The following ODAM variants were observed in gnomAD, a reference collection of about 807,000 sequenced individuals.
ODAM encodes the protein odontogenic, ameloblast associated, also known as odontogenic ameloblast-associated protein.
In ODAM, 55 loss-of-function variants were observed where a neutral mutation model predicts 48.5. The ratio of observed to expected loss-of-function variants is 1.13; its 90% CI spans 0.91 to 1.42. ODAM has a LOEUF of 1.42. Among genes scored for constraint, ODAM ranks in the 40% most tolerant of loss-of-function variants. The pLI, the probability that ODAM is intolerant of heterozygous loss-of-function variation, is 0.00. For missense variants in ODAM, 353 were observed against 323.6 expected, an observed-to-expected ratio of 1.09 and a Z score of -0.70; for synonymous variants, 127 against 107.8, an observed-to-expected ratio of 1.18 and a Z score of -1.10.
chr4:70,200,562 G>T lies in ODAM; in HGVS notation c.489G>T (p.Arg163Ser), dbSNP rs758329689. The change falls in exon 7 of 12, where the codon AGG becomes AGT. Residue 163 changes from arginine to serine, a missense_variant. Coordinates refer to ENST00000683306, the MANE Select transcript of ODAM (RefSeq NM_017855.4). ...PWEQPQQTVPRSPQQTRQQQY... is the reference protein window; with the variant it reads ...PWEQPQQTVPSSPQQTRQQQY... ...AACAACCTCAGCAAACAGTTCCAAG[G>T]TCACCTCAACAAACAAGACAGCAAC... is the stretch of plus-strand genomic sequence containing the variant. 1.3e-5 allele frequency: 21 copies of T among 1,611,278 alleles called. No individual in the cohort carries two copies. Among genetic ancestry groups the T allele is most frequent in the Non-Finnish European group, 1.7e-5 (20 of 1,178,336 alleles).
chr4:70,203,073 CTTGT>C (rs1729542402), intron 10 of ODAM, 79 bp from the exon 11 acceptor site: 1 of 1,372,762 alleles, frequency 7.3e-7, no homozygotes, highest in Admixed American at 1.8e-5. Context: ...GTGGCCAAAA[CTTGT>C]TTTTGATAAT....
chr4:70,196,049 C>G (rs1304777183), intron 1 of ODAM, among the ~76,000 whole-genome samples: 2 of 151,944 alleles, frequency 1.3e-5, no homozygotes, highest in Non-Finnish European at 2.9e-5. Flanking sequence ...GTATATTATT[C>G]TGTTATTAGA....
rs1255270147 is a variant in ODAM, at chr4:70,202,897, C to T, written c.790C>T (p.Pro264Ser). ...FTSAVDQTIT[P>S]ELPEEKDKTD... ...TTCTGCTGTAGACCAAACTATTACC[C>T]CAGAGCTCCCAGAAGAGAAGGTAGA... Residue 264 changes from proline to serine, a missense_variant, in exon 10 of 12, where the codon CCA becomes TCA. Physicochemically the swap from Pro to Ser is moderately conservative, Grantham distance 74. Coordinates refer to ENST00000683306, the MANE Select transcript of ODAM (RefSeq NM_017855.4). The T allele has an allele frequency of 1.2e-6, 2 of 1,610,492 alleles. No homozygotes were observed. Among genetic ancestry groups the T allele is most frequent in the Non-Finnish European group, 1.7e-6 (2 of 1,178,452 alleles).
At chr4:70,201,128 C>G (rs1321727414) in intron 7 of ODAM, among the ~76,000 whole-genome samples, 1 of 151,376 alleles carries the variant, frequency 6.6e-6, no homozygotes, top group East Asian at 1.9e-4. Flanking sequence ...ATGAAAATGT[C>G]TTTTTTTTAG....
In ODAM at chr4:70,197,971, G is replaced by C; in HGVS notation, c.189G>C (p.Gln63His). ...WIPPFSGILQ[Q>H]QQQAQIPGLS... ...CACCTTTCTCTGGAATTTTACAACA[G>C]CAGCAGCAGGCTCAAATTCCAGGAC... The change falls in exon 5 of 12, where the codon CAG becomes CAC. Residue 63 changes from glutamine to histidine, a missense_variant. Physicochemically the swap from Gln to His is conservative, Grantham distance 24. Transcript: ENST00000683306. 5.0e-6 allele frequency: 8 copies of C among 1,612,884 alleles called. No individual in the cohort carries two copies. The highest frequency in any genetic ancestry group is 6.8e-6 in the Non-Finnish European group (8 of 1,179,224).
chr4:70,201,417 A>T, intron 7 of ODAM, 37 bp from the exon 8 acceptor site: 1 of 1,037,628 alleles, frequency 9.6e-7, no homozygotes, highest in Non-Finnish European at 1.5e-6. Context: ...AAGAATAATC[A>T]CAGAAAATAT....
At position 70,198,743 on chromosome 4, in the gene ODAM, C is replaced by G. The variant is rs1157545949; in HGVS notation, c.423+117C>G. 3 of 811,268 alleles carry G rather than the reference C, an allele frequency of 3.7e-6. No individual in the cohort carries two copies. In the African/African-American group the frequency reaches 5.4e-5, roughly 15 times the overall value. 50.3% of individuals were successfully genotyped at this position (811,268 alleles called of 1,614,324 possible). A position where few individuals can be genotyped will look rare whatever the true frequency, so the allele number is the denominator to read the frequency against. ...TATAAAAACCTATATAATGATATCA[C>G]TGTCTAGATAACATCATTGCTGGGC... On this transcript the variant is annotated intron_variant, in intron 6 of 11. Coordinates refer to ENST00000683306, the MANE Select transcript of ODAM (RefSeq NM_017855.4).
At chr4:70,196,655 T>C (rs1332208316) in intron 2 of ODAM, 37 bp from the exon 3 acceptor site, 2 of 1,601,620 alleles carry the variant, frequency 1.2e-6, no homozygotes, top group African/African-American at 2.7e-5. Context: ...TCCCTTCTTT[T>C]TACTATTTCT....
intron 6 of ODAM, 25 bp downstream of exon 6, chr4:70,198,651 CA>C: frequency 6.3e-7 from 1 of 1,581,510 alleles, no homozygotes; most frequent in Non-Finnish European, 8.7e-7. Context: ...CAACACTGCC[CA>C]TAGAGATGGC....
intron 6 of ODAM, 30 bp from the exon 7 acceptor site, chr4:70,200,467 T>C (rs1729470706): frequency 8.3e-7 from 1 of 1,205,480 alleles, no homozygotes; most frequent in African/African-American, 1.5e-5. Flanking sequence ...TTTAATGGAA[T>C]CTCTTGTATC....
Position 70,198,158 on chromosome 4 carries a change from G to A in ODAM, c.375+1G>A, listed in dbSNP as rs753320098. On this transcript the variant is annotated splice_donor_variant, in intron 5 of 11. Coordinates refer to ENST00000683306, the MANE Select transcript of ODAM (RefSeq NM_017855.4). LOFTEE classifies it high-confidence loss of function. ...TCAGACACAACCAGGCCCCAGTCAC[G>A]TAAGTCAGGCCTCTTTCATTTTGTT... is the stretch of plus-strand genomic sequence containing the variant. 44 of 1,611,480 alleles carry A rather than the reference G, an allele frequency of 2.7e-5. No homozygotes were observed. The East Asian group carries it at 6.7e-4, about 25-fold the overall frequency.
At chr4:70,200,381 C>A (rs904334660) in intron 6 of ODAM, 116 bp from the exon 7 acceptor site, 6 of 581,446 alleles carry the variant, frequency 1.0e-5, no homozygotes, top group Non-Finnish European at 1.5e-5. Context: ...TGTATTTAAT[C>A]ATATAAAGCT....
Position 70,204,381 on chromosome 4 carries a change from A to G in ODAM, c.*236A>G, listed in dbSNP as rs1322700235. The G allele has an allele frequency of 6.6e-6, 1 of 152,048 alleles. No individual in the cohort carries two copies. Among genetic ancestry groups the G allele is most frequent in the Non-Finnish European group, 1.5e-5 (1 of 67,972 alleles). 9.4% of individuals were successfully genotyped at this position (152,048 alleles called of 1,614,324 possible). ...GTCTTACAAAATTATATGTCTCTTC[A>G]AATATCCTATCATTGTATAATATGG... is the stretch of plus-strand genomic sequence containing the variant. On this transcript the variant is annotated 3_prime_UTR_variant, in exon 12 of 12. Coordinates refer to ENST00000683306, the MANE Select transcript of ODAM (RefSeq NM_017855.4).
rs1443458874 is a variant in ODAM at position 70,197,811 on chromosome 4, A to G, written c.142-113A>G. 1.3e-5 allele frequency: 10 copies of G among 753,856 alleles called. No homozygotes were observed. The Admixed American group carries it at 2.5e-4, about 19-fold the overall frequency. The allele number at this position is 753,856 out of a possible 1,614,324, so 46.7% of individuals were successfully genotyped here. A position where few individuals can be genotyped will look rare whatever the true frequency, so the allele number is the denominator to read the frequency against. On this transcript the variant is annotated intron_variant, in intron 4 of 11. Coordinates refer to ENST00000683306, the MANE Select transcript of ODAM (RefSeq NM_017855.4). ...AAGATGCTGTCCTTTTTTATGTTGCAACATTGGAACTATAGAAATTGTTTG... is the reference window on the plus strand; with the variant it reads ...AAGATGCTGTCCTTTTTTATGTTGCGACATTGGAACTATAGAAATTGTTTG...
intron 8 of ODAM, 123 bp from the exon 9 acceptor site, chr4:70,202,135 T>G: frequency 2.9e-6 from 2 of 694,532 alleles, no homozygotes; most frequent in East Asian, 2.7e-5. Flanking sequence ...CTATTATTTC[T>G]GTTTTTAGCA....
At chr4:70,202,034 C>T (rs1207974501) in intron 8 of ODAM, among the ~76,000 whole-genome samples, 1 of 151,876 alleles carries the variant, frequency 6.6e-6, no homozygotes, top group Non-Finnish European at 1.5e-5. Flanking sequence ...AGGTAAGTAC[C>T]TGGTCCTAGT....
Position 70,198,591 on chromosome 4 carries a change from G to A in ODAM, c.388G>A (p.Val130Ile). ...TTTTTTTTGGCAGGTGATGCCCTATGTATTCTCCTTCAAAATGCCTCAAGA... is the reference window on the plus strand; with the variant it reads ...TTTTTTTTGGCAGGTGATGCCCTATATATTCTCCTTCAAAATGCCTCAAGA... ...QPGPSHVMPY[V>I]FSFKMPQEQG... Residue 130 changes from valine to isoleucine, a missense_variant, in exon 6 of 12, where the codon GTA (valine) becomes ATA (isoleucine). Val to Ile is a conservative substitution (Grantham distance 29, BLOSUM62 3). Coordinates refer to ENST00000683306, the MANE Select transcript of ODAM (RefSeq NM_017855.4). 6.3e-7 allele frequency: 1 copy of A among 1,598,722 alleles called. No individual in the cohort carries two copies. The highest frequency in any genetic ancestry group is 8.5e-7 in the Non-Finnish European group (1 of 1,175,098).
intron 1 of ODAM, 137 bp downstream of exon 1, chr4:70,195,930 G>A (rs528061903): frequency 5.9e-6 from 1 of 169,594 alleles, no homozygotes; most frequent in East Asian, 1.9e-4. Flanking sequence ...ACATCTAGAA[G>A]ACAAGAGAAA....
chr4:70,203,088 CAATT>C, intron 10 of ODAM, 64 bp from the exon 11 acceptor site: 4 of 1,387,008 alleles, frequency 2.9e-6, no homozygotes, highest in African/African-American at 1.5e-5. Context: ...TTTTGATAAT[CAATT>C]AATCAGAATA....
Sources: allele counts gnomAD v4.1 joint callset (sites outside exome capture counted in the v4.1 genomes callset), GRCh38; gene constraint gnomAD v4.1.1; transcripts MANE v1.5; gene names NCBI Gene and HGNC (gene_info 2026-07-23, HGNC 2026-07-21).